CAD: variants seen among roughly 807,000 people sequenced by gnomAD.
CAD encodes the protein carbamoyl-phosphate synthetase 2, aspartate transcarbamylase, and dihydroorotase.
CAD carries 81 observed loss-of-function variants against 237.2 expected under a neutral mutation model. The ratio of observed to expected loss-of-function variants is 0.34; its 90% CI spans 0.29 to 0.41. The LOEUF (loss-of-function observed/expected upper bound fraction) is 0.41. Ranked by LOEUF, CAD falls within the 10% of genes least tolerant of loss-of-function variation. The probability of loss-of-function intolerance (pLI) is 1.00; values close to 1 mark genes in which losing one functional copy is unlikely to be tolerated. For missense variants in CAD, 2,181 were observed against 2,951.7 expected (o/e 0.74, Z 6.05); for synonymous variants, 1,196 against 1,162.8 (o/e 1.03, Z -0.58).
At position 27,236,264 on chromosome 2, in the gene CAD, C is replaced by T; in HGVS notation, c.4075-20C>T. 1 of 1,611,258 alleles carries T rather than the reference C, an allele frequency of 6.2e-7. No homozygotes were observed. The highest frequency in any genetic ancestry group is 8.5e-7 in the Non-Finnish European group (1 of 1,178,130). ...CCGCTGCCAGACAGCTTGGCCCTGACCTTGACTCCGGGTTGGCAGGTAACA... is the reference window on the plus strand; with the variant it reads ...CCGCTGCCAGACAGCTTGGCCCTGATCTTGACTCCGGGTTGGCAGGTAACA... On this transcript the variant is annotated intron_variant, in intron 25 of 43. Transcript: ENST00000264705. This position sits in a 1 kb window ranked among gnomAD's most constrained non-coding sequence, Gnocchi z 4.1.
rs547733433 is a variant in CAD at position 27,217,475 on chromosome 2, G to A, written c.-77G>A. The A allele has an allele frequency of 4.3e-5, 55 of 1,280,666 alleles. No homozygotes were observed. The highest frequency in any genetic ancestry group is 5.1e-5 in the Non-Finnish European group (46 of 901,052). 79.3% of individuals were successfully genotyped at this position (1,280,666 alleles called of 1,614,324 possible). ...CCACGTGGACCGACTCCGGCGCGCC[G>A]TCCTCACGTGGTTCCAGTGGAGTTT... On this transcript the variant is annotated 5_prime_UTR_variant, in exon 1 of 44. Transcript: ENST00000264705.
intron 31 of CAD, 88 bp from the exon 32 acceptor site, chr2:27,238,954 G>A: frequency 8.0e-7 from 1 of 1,253,266 alleles, no homozygotes; most frequent in African/African-American, 1.5e-5. Flanking sequence ...AGCATAAGGA[G>A]GTTGTTGGAA....
rs531016906 is a variant in CAD, at chr2:27,218,137, G to A, written c.222+121G>A. On this transcript the variant is annotated intron_variant, in intron 2 of 43. Coordinates refer to ENST00000264705, the MANE Select transcript of CAD (RefSeq NM_004341.5). ...TGCAGAAAACATACCCACTGAAGTAGTAAAGTCAAGGACTAAGATCACTAG... is the reference window on the plus strand; with the variant it reads ...TGCAGAAAACATACCCACTGAAGTAATAAAGTCAAGGACTAAGATCACTAG... 53 of 821,802 alleles carry A rather than the reference G, an allele frequency of 6.4e-5. 1 individual carries two copies. The South Asian group carries it at 1.0e-3, about 16-fold the overall frequency. The allele number at this position is 821,802 out of a possible 1,614,324, so 50.9% of individuals were successfully genotyped here. A position where few individuals can be genotyped will look rare whatever the true frequency, so the allele number is the denominator to read the frequency against.
rs535281299 is a variant in CAD, at chr2:27,230,275, A to G, written c.2288-1193A>G. ...GTTGGTGTTGATGAGGCCATGTGGC[A>G]ATGTGGGAAAATGTATGATGAGGAA... is the stretch of plus-strand genomic sequence containing the variant. On this transcript the variant is annotated intron_variant, in intron 15 of 43. Transcript: ENST00000264705. Among the ~76,000 whole-genome samples the G allele has an allele frequency of 5.9e-5, 9 of 152,248 alleles. No homozygotes were observed. In the East Asian group the frequency reaches 1.7e-3, roughly 29 times the overall value.
At chr2:27,227,216 T>A (rs538564329) in intron 15 of CAD, among the ~76,000 whole-genome samples, 1 of 152,346 alleles carries the variant, frequency 6.6e-6, no homozygotes, top group East Asian at 1.9e-4. Context: ...TCTGGCACTT[T>A]GTGCTTTGGT....
At position 27,225,196 on chromosome 2, in the gene CAD, A is replaced by T. The variant is rs868141024; in HGVS notation, c.1573A>T (p.Ile525Phe). The T allele has an allele frequency of 6.2e-7, 1 of 1,613,604 alleles. No homozygotes were observed. Among genetic ancestry groups the T allele is most frequent in the Non-Finnish European group, 8.5e-7 (1 of 1,179,900 alleles). ...GGCCTTTGCTGCCAGAATGGCAGAGATCGGAGAGCATGTGGCCCCGAGCGA... is the reference window on the plus strand; with the variant it reads ...GGCCTTTGCTGCCAGAATGGCAGAGTTCGGAGAGCATGTGGCCCCGAGCGA... Reference protein sequence around the residue: ...RRAFAARMAEIGEHVAPSEAA... With the variant: ...RRAFAARMAEFGEHVAPSEAA... Residue 525 changes from isoleucine (I) to phenylalanine (F), a missense_variant, in exon 11 of 44, where the codon ATC becomes TTC. By Grantham distance (21) the Ile-to-Phe change is conservative. Transcript: ENST00000264705.
chr2:27,242,612 T>C lies in CAD; in HGVS notation c.6223-8T>C, dbSNP rs1425674668. On this transcript the variant is annotated splice_polypyrimidine_tract_variant and splice_region_variant and intron_variant, in intron 40 of 43. Transcript: ENST00000264705. This position sits in a 1 kb window ranked among gnomAD's most constrained non-coding sequence, Gnocchi z 6.4. ...GGGATCCCTGTGGTGACTGGATTCCTCTCCTAGATCACGATGGTGGGTGAC... is the reference window on the plus strand; with the variant it reads ...GGGATCCCTGTGGTGACTGGATTCCCCTCCTAGATCACGATGGTGGGTGAC... 6.3e-7 allele frequency: 1 copy of C among 1,585,032 alleles called. No individual in the cohort carries two copies. The highest frequency in any genetic ancestry group is 8.6e-7 in the Non-Finnish European group (1 of 1,161,068).
chr2:27,224,149 TG>T, intron 8 of CAD, 120 bp downstream of exon 8: 1 of 924,824 alleles, frequency 1.1e-6, no homozygotes, highest in Non-Finnish European at 1.7e-6. Flanking sequence ...GTATTGGGGA[TG>T]GGTGGCAACC....
rs1160581306 is a variant in CAD, at chr2:27,222,403, G to A, written c.495+67G>A. The stretch of plus-strand genomic sequence containing the variant: ...GTAGTTATATTCTGCCCACAATTGG[G>A]GGGTGAACACAGGAGAGAATCAAAG... On this transcript the variant is annotated intron_variant, in intron 4 of 43. Transcript: ENST00000264705. 60 of 1,584,886 alleles carry A rather than the reference G, an allele frequency of 3.8e-5. 1 individual carries two copies. The South Asian group carries it at 6.6e-4, about 17-fold the overall frequency.
intron 12 of CAD, 50 bp downstream of exon 12, chr2:27,225,976 T>G (rs533046566): frequency 6.3e-7 from 1 of 1,579,370 alleles, no homozygotes; most frequent in South Asian, 1.1e-5. Context: ...GATGAGCTTT[T>G]GGAAGAGCAG....
intron 15 of CAD, 71 bp downstream of exon 15, chr2:27,227,033 C>T: frequency 7.3e-7 from 1 of 1,370,302 alleles, no homozygotes; most frequent in Non-Finnish European, 1.0e-6. Flanking sequence ...CAAGAGTTCC[C>T]TGGCATGGCC....
chr2:27,242,238 G>T lies in CAD; in HGVS notation c.6097-64G>T. 14 of 1,583,422 alleles carry T rather than the reference G, an allele frequency of 8.8e-6. No homozygotes were observed. Among genetic ancestry groups the T allele is most frequent in the Non-Finnish European group, 1.1e-5 (13 of 1,161,502 alleles). ...CCAGATGAGTGAGGGGACCCCAGAA[G>T]AGGGGGACTGGCAGTTGGGGGGCCT... On this transcript the variant is annotated intron_variant, in intron 39 of 43. Transcript: ENST00000264705. This position sits in a 1 kb window ranked among gnomAD's most constrained non-coding sequence, Gnocchi z 6.4.
Position 27,238,637 on chromosome 2 carries a change from G to A in CAD, c.5062+5G>A. 1 of 1,605,246 alleles carries A rather than the reference G, an allele frequency of 6.2e-7. No homozygotes were observed. The highest frequency in any genetic ancestry group is 8.5e-7 in the Non-Finnish European group (1 of 1,175,642). ...ACTGCTTTGCCTCAGACCATGGTGA[G>A]AGAATCCAGCATGTACCTCCTCTGC... On this transcript the variant is annotated splice_donor_5th_base_variant and intron_variant, in intron 31 of 43. Transcript: ENST00000264705.
At position 27,236,621 on chromosome 2, in the gene CAD, CT is replaced by C; in HGVS notation, c.4314+101del. ...TGGAACAGCCATGCTAGTAATAAAGCTTTGTGGCTACAGAGGGAGAGATGGT... is the reference window on the plus strand; with the variant it reads ...TGGAACAGCCATGCTAGTAATAAAGCTTGTGGCTACAGAGGGAGAGATGGT... On this transcript the variant is annotated intron_variant, in intron 26 of 43. Transcript: ENST00000264705. This position sits in a 1 kb window ranked among gnomAD's most constrained non-coding sequence, Gnocchi z 4.1. 1 of 1,569,694 alleles carries C rather than the reference CT, an allele frequency of 6.4e-7. No individual in the cohort carries two copies. Among genetic ancestry groups the C allele is most frequent in the Non-Finnish European group, 8.7e-7 (1 of 1,145,306 alleles).
intron 2 of CAD, among the ~76,000 whole-genome samples, chr2:27,218,901 G>A (rs1180837440): frequency 3.9e-5 from 6 of 152,212 alleles, no homozygotes; most frequent in African/African-American, 1.4e-4. Context: ...TGACGCTGGG[G>A]AGAGTGAGCT....
rs1174908273 is a variant in CAD, at chr2:27,232,593, C to T, written c.2791C>T (p.Arg931Ter). ...YWGTTHDLTF[R>*]TPHVLVLGSG... Reference sequence around the variant, plus strand: ...GGGCACCACCCATGACCTCACCTTTCGAACACCTCATGTCCTAGTCCTTGG... The same window carrying T: ...GGGCACCACCCATGACCTCACCTTTTGAACACCTCATGTCCTAGTCCTTGG... Residue 931 changes from arginine to a stop codon, truncating the protein, a stop_gained, in exon 18 of 44, where the codon CGA becomes TGA. Coordinates refer to ENST00000264705, the MANE Select transcript of CAD (RefSeq NM_004341.5). LOFTEE classifies it high-confidence loss of function. This position sits in a 1 kb window ranked among gnomAD's most constrained non-coding sequence, Gnocchi z 4.1. 1.9e-6 allele frequency: 3 copies of T among 1,614,208 alleles called. No homozygotes were observed. Among genetic ancestry groups the T allele is most frequent in the Admixed American group, 1.7e-5 (1 of 60,026 alleles).
chr2:27,225,719 T>A lies in CAD; in HGVS notation c.1635T>A (p.Ala545=), dbSNP rs1291332495. ...ANSLEQAQAA[A]ERLGYPVLVR... ...ACTCATTGCAGGCCCAGGCAGCCGC[T>A]GAACGGCTGGGGTACCCTGTGCTAG... The change falls in exon 12 of 44, where the codon GCT becomes GCA. Residue 545 remains alanine (A), a synonymous_variant. Transcript: ENST00000264705. 2 of 1,613,992 alleles carry A rather than the reference T, an allele frequency of 1.2e-6. No individual in the cohort carries two copies. Among genetic ancestry groups the A allele is most frequent in the Non-Finnish European group, 1.7e-6 (2 of 1,179,866 alleles).
chr2:27,242,082 G>A lies in CAD; in HGVS notation c.6055G>A (p.Asp2019Asn), dbSNP rs745685364. 2 of 1,613,194 alleles carry A rather than the reference G, an allele frequency of 1.2e-6. No individual in the cohort carries two copies. The highest frequency in any genetic ancestry group is 1.7e-6 in the Non-Finnish European group (2 of 1,180,030). ...CGTGCAGACCATGAGCTGCTATGCC[G>A]ACGTCGTCGTGCTCCGGCACCCCCA... ...DSVQTMSCYA[D>N]VVVLRHPQPG... is the part of the protein sequence containing the mutation. Residue 2019 changes from aspartate to asparagine, a missense_variant, in exon 39 of 44, where the codon GAC becomes AAC. Physicochemically the swap from Asp to Asn is conservative, Grantham distance 23. This residue lies in a region of CAD where 203 missense variants were observed against 284.5 expected (regional missense o/e 0.71). Transcript: ENST00000264705. This position sits in a 1 kb window ranked among gnomAD's most constrained non-coding sequence, Gnocchi z 6.4.
In CAD at chr2:27,217,920, T is replaced by G. The variant is rs1445371455; in HGVS notation, c.126T>G (p.Asp42Glu). Residue 42 changes from aspartate (D) to glutamate (E), a missense_variant, in exon 2 of 44, where the codon GAT (aspartate) becomes GAG (glutamate). Physicochemically the swap from Asp to Glu is conservative, Grantham distance 45. Coordinates refer to ENST00000264705, the MANE Select transcript of CAD (RefSeq NM_004341.5). ...GMVGYPEALTDPSYKAQILVL... is the reference protein window; with the variant it reads ...GMVGYPEALTEPSYKAQILVL... ...TCGGCTACCCCGAGGCCCTCACTGA[T>G]CCCTCCTACAAGGCACAGATCTTAG... is the stretch of plus-strand genomic sequence containing the variant. The G allele has an allele frequency of 6.2e-7, 1 of 1,612,398 alleles. No individual in the cohort carries two copies. The highest frequency in any genetic ancestry group is 2.2e-5 in the East Asian group (1 of 44,810).
Sources: allele counts gnomAD v4.1 joint callset (sites outside exome capture counted in the v4.1 genomes callset), GRCh38; gene constraint gnomAD v4.1.1; regional missense constraint gnomAD v4.1.1; non-coding constraint Gnocchi (gnomAD v3.1); transcripts MANE v1.5; gene names NCBI Gene and HGNC (gene_info 2026-07-23, HGNC 2026-07-21).